The following RIN2 variants were observed in gnomAD, a reference collection of about 807,000 sequenced individuals.
The protein encoded by RIN2 is Ras and Rab interactor 2.
A neutral mutation model predicts 78.0 loss-of-function variants in RIN2; 36 were observed. The ratio of observed to expected loss-of-function variants is 0.46; its 90% CI spans 0.35 to 0.61. The LOEUF (loss-of-function observed/expected upper bound fraction) is 0.61. Ranked by LOEUF, RIN2 falls within the 20% of genes least tolerant of loss-of-function variation. The pLI is 0.00. For missense variants in RIN2, 1,087 were observed against 1,159.7 expected (o/e 0.94, Z 0.91); for synonymous variants, 466 against 466.8 (o/e 1.00, Z 0.02).
chr20:19,943,811 G>A (rs1284569775), intron 4 of RIN2, among the ~76,000 whole-genome samples: 1 of 152,012 alleles, frequency 6.6e-6, no homozygotes, highest in East Asian at 1.9e-4. Context: ...TCCCATGCTG[G>A]GTGGTGGGTA....
intron 2 of RIN2, among the ~76,000 whole-genome samples, chr20:19,858,133 A>AAAT (rs1204120056): frequency 4.0e-5 from 6 of 151,798 alleles, no homozygotes; most frequent in Non-Finnish European, 7.4e-5. Context: ...TTTAAAAAAA[A>AAAT]ATATTAAGAT....
At chr20:19,808,534 C>G (rs554698344) in intron 2 of RIN2, among the ~76,000 whole-genome samples, 3 of 152,354 alleles carry the variant, frequency 2.0e-5, no homozygotes, top group African/African-American at 7.2e-5. Context: ...ATTTGCACAG[C>G]AAAATCAGGG....
At chr20:19,982,288 A>G (rs78152432) in intron 9 of RIN2, among the ~76,000 whole-genome samples, 7,260 of 152,266 alleles carry the variant, frequency 0.048, 237 homozygotes, top group Non-Finnish European at 0.073. Flanking sequence ...AGGCTGGGAA[A>G]GGTCATCTTC....
intron 2 of RIN2, among the ~76,000 whole-genome samples, chr20:19,827,222 T>C (rs1228832882): frequency 6.6e-6 from 1 of 152,120 alleles, no homozygotes; most frequent in East Asian, 1.9e-4. Context: ...GTGATCTGCC[T>C]GCCTCGGCCT....
At position 19,941,507 on chromosome 20, in the gene RIN2, A is replaced by G. The variant is rs575520528; in HGVS notation, c.158+6308A>G. Among the ~76,000 whole-genome samples the G allele has an allele frequency of 2.0e-5, 3 of 152,320 alleles. No individual in the cohort carries two copies. In the East Asian group the frequency reaches 5.8e-4, roughly 29 times the overall value. ...GTAAAACATAACTCAGCAAAATTGCACAAATAAGTATCCAGCTAGATGAAA... is the reference window on the plus strand; with the variant it reads ...GTAAAACATAACTCAGCAAAATTGCGCAAATAAGTATCCAGCTAGATGAAA... On this transcript the variant is annotated intron_variant, in intron 4 of 12. Coordinates refer to ENST00000255006, the MANE Select transcript of RIN2 (RefSeq NM_018993.4).
At chr20:19,954,172 C>T (rs1456448163) in intron 4 of RIN2, among the ~76,000 whole-genome samples, 5 of 152,194 alleles carry the variant, frequency 3.3e-5, no homozygotes, top group South Asian at 2.1e-4. Flanking sequence ...TTCAGTCCCA[C>T]CTCTTAGGAG....
At chr20:19,976,599 T>C (rs866251223) in intron 9 of RIN2, among the ~76,000 whole-genome samples, 27 of 152,356 alleles carry the variant, frequency 1.8e-4, no homozygotes, top group Middle Eastern at 6.8e-3. Context: ...CAAGCAGTCT[T>C]TTCTTCCAGG....
At chr20:19,953,710 T>C (rs2146220744) in intron 4 of RIN2, among the ~76,000 whole-genome samples, 1 of 152,216 alleles carries the variant, frequency 6.6e-6, no homozygotes, top group South Asian at 2.1e-4. Flanking sequence ...GATTACAGGC[T>C]TTAGCCACCA....
intron 3 of RIN2, among the ~76,000 whole-genome samples, chr20:19,896,554 T>C (rs1035101642): frequency 1.3e-5 from 2 of 152,206 alleles, no homozygotes; most frequent in Admixed American, 6.5e-5. Context: ...CTGCCCACTG[T>C]CCAGTGAGTC....
In RIN2 at chr20:19,986,350, T is replaced by A. The variant is rs148079751; in HGVS notation, c.1763-3656T>A. Among the ~76,000 whole-genome samples the A allele has an allele frequency of 3.6e-4, 55 of 152,098 alleles. No individual in the cohort carries two copies. In the East Asian group the frequency reaches 8.9e-3, roughly 25 times the overall value. On this transcript the variant is annotated intron_variant, in intron 9 of 12. Transcript: ENST00000255006. Reference sequence around the variant, plus strand: ...GGGAGGGTGGGGAGGAGGAGTGGGATAAACCTCTGAAAAAAAAATGCAGGG... The same window carrying A: ...GGGAGGGTGGGGAGGAGGAGTGGGAAAAACCTCTGAAAAAAAAATGCAGGG...
At chr20:19,768,881 A>C (rs1448849307) in intron 1 of RIN2, among the ~76,000 whole-genome samples, 1 of 150,482 alleles carries the variant, frequency 6.6e-6, no homozygotes, top group Non-Finnish European at 1.5e-5. Context: ...ATACCTATAG[A>C]TATATAAATA....
chr20:19,874,802 G>C (rs186204381), intron 2 of RIN2, among the ~76,000 whole-genome samples: 1 of 151,848 alleles, frequency 6.6e-6, no homozygotes, highest in Non-Finnish European at 1.5e-5. Flanking sequence ...GAGCAGAAGG[G>C]GCCCTAAAGA....
At chr20:19,969,274 C>T (rs1263640466) in intron 7 of RIN2, among the ~76,000 whole-genome samples, 1 of 152,220 alleles carries the variant, frequency 6.6e-6, no homozygotes, top group Non-Finnish European at 1.5e-5. Flanking sequence ...CAGCACGTCT[C>T]ATGATGACAA....
chr20:19,958,249 G>C (rs1327277629), intron 5 of RIN2, among the ~76,000 whole-genome samples: 2 of 152,242 alleles, frequency 1.3e-5, no homozygotes, highest in East Asian at 1.9e-4. Context: ...CCATAACACA[G>C]AGCTGCTGCC....
At chr20:19,931,721 T>G (rs995668324) in intron 3 of RIN2, among the ~76,000 whole-genome samples, 5 of 152,140 alleles carry the variant, frequency 3.3e-5, no homozygotes, top group African/African-American at 1.2e-4. Flanking sequence ...TTTTTTTTTT[T>G]TTTTCTGCTT....
chr20:19,998,353 C>T (rs1394621290), intron 12 of RIN2, among the ~76,000 whole-genome samples: 1 of 151,924 alleles, frequency 6.6e-6, no homozygotes, highest in Admixed American at 6.6e-5. Flanking sequence ...ATCCCAGCAC[C>T]TTAGAGGCTA....
At chr20:19,877,393 T>C (rs1415738708) in intron 2 of RIN2, among the ~76,000 whole-genome samples, 2 of 152,198 alleles carry the variant, frequency 1.3e-5, no homozygotes, top group Admixed American at 6.5e-5. Context: ...AGAAGAATGT[T>C]TGGAGGGGAA....
At chr20:19,788,103 G>T (rs563828812) in intron 1 of RIN2, among the ~76,000 whole-genome samples, 6 of 152,114 alleles carry the variant, frequency 3.9e-5, no homozygotes, top group African/African-American at 4.8e-5. Context: ...TCTGACAAAG[G>T]GTATGTGCAA....
At chr20:19,856,108 C>T (rs563749875) in intron 2 of RIN2, among the ~76,000 whole-genome samples, 21 of 152,130 alleles carry the variant, frequency 1.4e-4, no homozygotes, top group East Asian at 1.2e-3. Flanking sequence ...TTTTAAGAGA[C>T]GCTACATCAT....
Sources: gnomAD v4.1 joint callset for allele counts (sites outside exome capture counted in the v4.1 genomes callset) on GRCh38, gnomAD v4.1.1 for gene constraint, MANE v1.5 for transcripts, NCBI Gene and HGNC (gene_info 2026-07-23, HGNC 2026-07-21) for gene names.